NCOR2: variants seen among roughly 807,000 people sequenced by gnomAD.
NCOR2 encodes the protein CTG repeat protein 26.
Under a neutral mutation model 262.9 loss-of-function variants are expected in NCOR2, and 81 were observed. That is an observed-to-expected ratio of 0.31 (90% CI 0.26 to 0.37). The LOEUF is 0.37. NCOR2 is among the 10% of genes least tolerant of loss of function. The pLI is 1.00. For synonymous variants in NCOR2, 1,659 were observed against 1,559.3 expected (o/e 1.06, Z -1.51); for missense variants, 3,385 against 3,621.4 (o/e 0.93, Z 1.68).
chr12:124,358,300 C>T (rs2038173778), intron 22 of NCOR2, among the ~76,000 whole-genome samples: 1 of 141,210 alleles, frequency 7.1e-6, no homozygotes, highest in South Asian at 2.2e-4. Context: ...TGCACGTGCA[C>T]GTGTATGTGC....
At chr12:124,370,287 C>A (rs558237778) in intron 20 of NCOR2, among the ~76,000 whole-genome samples, 1 of 152,266 alleles carries the variant, frequency 6.6e-6, no homozygotes, top group Non-Finnish European at 1.5e-5. Context: ...ACTTCTCACA[C>A]GCATGGGCGC....
At chr12:124,342,973 C>T (rs1308770637) in intron 33 of NCOR2, 32 bp downstream of exon 35, 1 of 1,606,730 alleles carries the variant, frequency 6.2e-7, no homozygotes, top group Non-Finnish European at 8.5e-7. Flanking sequence ...TTCAGCACCA[C>T]TGCAGGGTTC....
chr12:124,339,136 C>G lies in NCOR2; in HGVS notation c.5687+870G>C, dbSNP rs1373364417. On this transcript the variant is annotated intron_variant, in intron 37 of 46. Transcript: ENST00000405201. ...TACCTACTTAACCCAACCACCCACC[C>G]ACCCATCCATCCATCCACCCAGTTA... Among the ~76,000 whole-genome samples, 21 of 148,944 alleles carry G rather than the reference C, an allele frequency of 1.4e-4. No homozygotes were observed. In the East Asian group the frequency reaches 4.0e-3, roughly 28 times the overall value.
At position 124,457,035 on chromosome 12, in the gene NCOR2, C is replaced by T. The variant is rs1450772444; in HGVS notation, c.762+71G>A. On this transcript the variant is annotated intron_variant, in intron 6 of 46. Transcript: ENST00000405201. The surrounding 1 kb of genome is among the most constrained non-coding windows in gnomAD (Gnocchi z 4.0). ...ATGACTTCCTCCTCCGCCGCACCCT[C>T]CCGCCTCCCTGCCCACCTCTCCAGC... The T allele has an allele frequency of 9.1e-5, 88 of 964,670 alleles. 5 individuals are homozygous for T. Among genetic ancestry groups the T allele is most frequent in the Non-Finnish European group, 1.2e-4 (84 of 674,838 alleles). 59.8% of individuals were successfully genotyped at this position (964,670 alleles called of 1,614,324 possible).
exon 33 of NCOR2, chr12:124,343,184 G>A (rs760936512): frequency 9.3e-6 from 15 of 1,608,924 alleles, no homozygotes; most frequent in Admixed American, 3.3e-5. Context: ...AGGCGTCGAC[G>A]TCAGCTTTCG....
chr12:124,346,651 G>A, exon 31 of NCOR2: 6 of 1,588,802 alleles, frequency 3.8e-6, no homozygotes, highest in Non-Finnish European at 4.3e-6. Context: ...TCTCATGGAT[G>A]GAGCGGCCCG....
At chr12:124,463,483 G>A (rs541454525) in intron 5 of NCOR2, among the ~76,000 whole-genome samples, 2 of 152,296 alleles carry the variant, frequency 1.3e-5, no homozygotes, top group East Asian at 1.9e-4. Flanking sequence ...CCCCACCCAC[G>A]CAGGCAGCTC....
At chr12:124,438,826 G>T in intron 7 of NCOR2, among the ~76,000 whole-genome samples, 1 of 146,462 alleles carries the variant, frequency 6.8e-6, no homozygotes, top group East Asian at 2.0e-4. Context: ...CCCAGAGAGA[G>T]GGAGACAGAG....
chr12:124,557,027 G>T (rs2137279421), intron 1 of NCOR2, among the ~76,000 whole-genome samples: 1 of 152,380 alleles, frequency 6.6e-6, no homozygotes, highest in East Asian at 1.9e-4. Context: ...AGGGGAGCAG[G>T]TCGCAGAGGA....
intron 7 of NCOR2, among the ~76,000 whole-genome samples, chr12:124,442,200 G>A (rs1238832116): frequency 1.3e-5 from 2 of 152,330 alleles, no homozygotes; most frequent in Non-Finnish European, 2.9e-5. Context: ...CGGGAGTGCA[G>A]TGGCTCGATC....
chr12:124,326,028 G>A, intron 46 of NCOR2, 163 bp downstream of exon 48: 3 of 751,828 alleles, frequency 4.0e-6, no homozygotes, highest in African/African-American at 1.8e-5. Context: ...GATGGTTCGT[G>A]AGCCAGGCTC....
intron 13 of NCOR2, among the ~76,000 whole-genome samples, chr12:124,407,543 A>G (rs2042342845): frequency 6.6e-6 from 1 of 152,122 alleles, no homozygotes; most frequent in African/African-American, 2.4e-5. Context: ...GGTCGCAGGG[A>G]GTCACATGAC....
intron 16 of NCOR2, among the ~76,000 whole-genome samples, chr12:124,387,216 ATTC>A (rs2040869257): frequency 1.3e-5 from 2 of 151,846 alleles, no homozygotes; most frequent in Non-Finnish European, 2.9e-5. Flanking sequence ...TCATTCATTC[ATTC>A]ATTCATTCAT....
chr12:124,386,876 T>C (rs1035644629), intron 16 of NCOR2, among the ~76,000 whole-genome samples: 2 of 152,236 alleles, frequency 1.3e-5, no homozygotes, highest in Non-Finnish European at 2.9e-5. Context: ...CGGCGTGACC[T>C]TGTGTGGCCC....
intron 1 of NCOR2, among the ~76,000 whole-genome samples, chr12:124,555,295 C>T (rs1175852384): frequency 1.3e-5 from 2 of 152,166 alleles, no homozygotes; most frequent in Non-Finnish European, 2.9e-5. Context: ...CAGACAGCAA[C>T]GCTGGGGCAG....
chr12:124,392,453 C>T (rs545574009), intron 16 of NCOR2, among the ~76,000 whole-genome samples: 1 of 152,262 alleles, frequency 6.6e-6, no homozygotes, highest in East Asian at 1.9e-4. Flanking sequence ...ACGCGAGCCC[C>T]GAGGCACCGC....
At chr12:124,561,082 C>T (rs932017232) in intron 1 of NCOR2, among the ~76,000 whole-genome samples, 4 of 152,202 alleles carry the variant, frequency 2.6e-5, no homozygotes, top group Admixed American at 6.5e-5. Flanking sequence ...AGGATTCCTC[C>T]GGGTCCGGCT....
intron 37 of NCOR2, among the ~76,000 whole-genome samples, chr12:124,338,555 G>T (rs1026839580): frequency 2.7e-5 from 4 of 150,400 alleles, no homozygotes; most frequent in Admixed American, 1.3e-4. Context: ...GTTGAGGTGT[G>T]ACCCCACCCC....
At chr12:124,467,280 CAT>C (rs2046483654) in intron 4 of NCOR2, among the ~76,000 whole-genome samples, 1 of 56,186 alleles carries the variant, frequency 1.8e-5, no homozygotes, top group African/African-American at 7.2e-5. Context: ...CTCATCACCC[CAT>C]CACCCTCATC....
Sources: gnomAD v4.1 joint callset for allele counts (sites outside exome capture counted in the v4.1 genomes callset) on GRCh38, gnomAD v4.1.1 for gene constraint, Gnocchi (gnomAD v3.1) non-coding constraint, MANE v1.5 for transcripts, NCBI Gene and HGNC (gene_info 2026-07-23, HGNC 2026-07-21) for gene names.